FOXP4: variants seen among roughly 807,000 people sequenced by gnomAD.
FOXP4 encodes the protein forkhead box protein P4.
In FOXP4, 25 loss-of-function variants were observed where a neutral mutation model predicts 82.6. That is an observed-to-expected ratio of 0.30 (90% CI 0.22 to 0.42). FOXP4 has a LOEUF of 0.42. Ranked by LOEUF, FOXP4 falls within the 10% of genes least tolerant of loss-of-function variation. The pLI is 1.00. For synonymous variants in FOXP4, 415 were observed against 388.2 expected, an observed-to-expected ratio of 1.07 and a Z score of -0.81; for missense variants, 785 against 900.9, an observed-to-expected ratio of 0.87 and a Z score of 1.65.
At chr6:41,547,264 C>T (rs1454453232) in intron 1 of FOXP4, among the ~76,000 whole-genome samples, 1 of 152,088 alleles carries the variant, frequency 6.6e-6, no homozygotes, top group East Asian at 1.9e-4. Flanking sequence ...CCCTCCCCGC[C>T]GGGCCTCTGG....
intron 3 of FOXP4, among the ~76,000 whole-genome samples, chr6:41,580,537 C>G (rs977062539): frequency 6.6e-6 from 1 of 152,240 alleles, no homozygotes; most frequent in African/African-American, 2.4e-5. Flanking sequence ...CATGCTTCCC[C>G]AGGAGCCTGG....
At chr6:41,573,099 C>T (rs566318574) in intron 2 of FOXP4, among the ~76,000 whole-genome samples, 2 of 152,292 alleles carry the variant, frequency 1.3e-5, no homozygotes, top group African/African-American at 4.8e-5. Flanking sequence ...AAGCTTGTCT[C>T]CCTGATTATC....
rs531267145 is a variant in FOXP4, at chr6:41,598,829, G to A, written c.1936G>A (p.Glu646Lys). ...GAAGGAGGAGCCAGCAGAGGCAGAGGAAGACAGGCAGCCCGGGCCTCCCCT... is the reference window on the plus strand; with the variant it reads ...GAAGGAGGAGCCAGCAGAGGCAGAGAAAGACAGGCAGCCCGGGCCTCCCCT... ...QVKEEPAEAE[E>K]DRQPGPPLGA... The change falls in exon 17 of 17, where the codon GAA becomes AAA. Residue 646 changes from glutamate (E) to lysine (K), a missense_variant. Glu to Lys is a moderately conservative substitution (Grantham distance 56). This residue lies in a region of FOXP4 where 184 missense variants were observed against 187.3 expected (regional missense o/e 0.98). Transcript: ENST00000307972. The A allele has an allele frequency of 2.1e-5, 33 of 1,576,194 alleles. 1 individual carries two copies. The South Asian group carries it at 3.1e-4, about 15-fold the overall frequency.
At position 41,597,212 on chromosome 6, in the gene FOXP4, C is replaced by T. The variant is rs1277302566; in HGVS notation, c.1695C>T (p.Leu565=). The T allele has an allele frequency of 6.2e-7, 1 of 1,614,080 alleles. No individual in the cohort carries two copies. The highest frequency in any genetic ancestry group is 8.5e-7 in the Non-Finnish European group (1 of 1,180,040). Residue 565 remains leucine, a synonymous_variant, in exon 15 of 17, where the codon CTC becomes CTT. Transcript: ENST00000307972. ...PTLVKNMISG[L]SYGALNASYQ... ...TGGTGAAGAACATGATCTCTGGCCT[C>T]AGCTATGGAGCACTTAATGCCAGCT... is the stretch of plus-strand genomic sequence containing the variant.
At position 41,585,970 on chromosome 6, in the gene FOXP4, C is replaced by T. The variant is rs946178794; in HGVS notation, c.510+453C>T. On this transcript the variant is annotated intron_variant, in intron 5 of 16. Transcript: ENST00000307972. Reference sequence around the variant, plus strand: ...CAGCTTCTTCCCCTTCTTCTTATGACTTGCCCAGCCACCCCTCGGTCTCCT... The same window carrying T: ...CAGCTTCTTCCCCTTCTTCTTATGATTTGCCCAGCCACCCCTCGGTCTCCT... 3.3e-5 allele frequency among the ~76,000 whole-genome samples: 5 copies of T among 151,998 alleles called. 1 individual carries two copies. Among genetic ancestry groups the T allele is most frequent in the African/African-American group, 9.7e-5 (4 of 41,344 alleles).
intron 8 of FOXP4, among the ~76,000 whole-genome samples, chr6:41,588,303 G>A (rs372020231): frequency 2.0e-5 from 3 of 152,300 alleles, no homozygotes; most frequent in South Asian, 2.1e-4. Context: ...TGCCACAGCC[G>A]TGCCAGGCTC....
intron 2 of FOXP4, among the ~76,000 whole-genome samples, chr6:41,577,766 C>A (rs1352566838): frequency 1.3e-5 from 2 of 152,130 alleles, no homozygotes; most frequent in Non-Finnish European, 2.9e-5. Flanking sequence ...TCACTGGGTC[C>A]CAGGCTGAGT....
chr6:41,569,837 A>G (rs973823236), intron 2 of FOXP4, among the ~76,000 whole-genome samples: 1 of 152,004 alleles, frequency 6.6e-6, no homozygotes, highest in African/African-American at 2.4e-5. Flanking sequence ...CATCCCGTTC[A>G]CATCCTGTGA....
At chr6:41,584,978 G>A in intron 4 of FOXP4, 87 bp downstream of exon 4, 11 of 1,462,502 alleles carry the variant, frequency 7.5e-6, no homozygotes, top group Non-Finnish European at 1.0e-5. Flanking sequence ...AAGGGCCCAA[G>A]CTGTCCCAGA....
Position 41,601,733 on chromosome 6 carries a change from C to A in FOXP4, c.*2797C>A, listed in dbSNP as rs1170593203. ...TCAGGTGATCCGCCAGCCTCAGCCT[C>A]CCAAAGTGCTGGGATTACAGGCGTG... On this transcript the variant is annotated 3_prime_UTR_variant, in exon 17 of 17. Coordinates refer to ENST00000307972, the MANE Select transcript of FOXP4 (RefSeq NM_001012426.2). 1 of 152,388 alleles carries A rather than the reference C, an allele frequency of 6.6e-6. No individual in the cohort carries two copies. Among genetic ancestry groups the A allele is most frequent in the Admixed American group, 6.5e-5 (1 of 15,294 alleles). The allele number at this position is 152,388 out of a possible 1,614,324, so 9.4% of individuals were successfully genotyped here.
Position 41,591,196 on chromosome 6 carries a change from C to T in FOXP4, c.1435-25C>T, listed in dbSNP as rs895876815. 4.4e-6 allele frequency: 7 copies of T among 1,586,534 alleles called. No homozygotes were observed. Among genetic ancestry groups the T allele is most frequent in the Non-Finnish European group, 6.0e-6 (7 of 1,163,212 alleles). The stretch of plus-strand genomic sequence containing the variant: ...ACCCTTCGAGGCCCAGGCTGACGGT[C>T]CCTTTGCTTGTTCCTTCCCCGCAGG... On this transcript the variant is annotated intron_variant, in intron 12 of 16. Transcript: ENST00000307972. The surrounding 1 kb of genome is among the most constrained non-coding windows in gnomAD (Gnocchi z 4.2).
intron 1 of FOXP4, among the ~76,000 whole-genome samples, chr6:41,565,223 G>A (rs1316070727): frequency 6.6e-6 from 1 of 152,056 alleles, no homozygotes; most frequent in African/African-American, 2.4e-5. Flanking sequence ...AGCTGGTCGT[G>A]GTGGCAGGCA....
rs779277938 is a variant in FOXP4 at position 41,590,077 on chromosome 6, C to G, written c.1264C>G (p.Leu422Val). The stretch of plus-strand genomic sequence containing the variant: ...CTCGGCCGCAGCCCCTGTCACCCCT[C>G]TACGGCCCCCTGGCCTGGGCTCTGC... ...PTSAAAPVTP[L>V]RPPGLGSASL... The change falls in exon 11 of 17, where the codon CTA (leucine) becomes GTA (valine). Residue 422 changes from leucine to valine, a missense_variant. Around this residue, in one of 3 missense-constraint regions of FOXP4, gnomAD observed 570 missense variants for 634.0 expected, o/e 0.90. Coordinates refer to ENST00000307972, the MANE Select transcript of FOXP4 (RefSeq NM_001012426.2). The G allele has an allele frequency of 1.2e-6, 2 of 1,613,872 alleles. No individual in the cohort carries two copies. Among genetic ancestry groups the G allele is most frequent in the Non-Finnish European group, 1.7e-6 (2 of 1,179,974 alleles).
intron 3 of FOXP4, among the ~76,000 whole-genome samples, chr6:41,583,923 G>C (rs1174073890): frequency 1.3e-5 from 2 of 152,172 alleles, no homozygotes; most frequent in Non-Finnish European, 1.5e-5. Flanking sequence ...AATCCTGAAT[G>C]TTCCAGCCTA....
At chr6:41,550,854 CCCTCT>C in intron 1 of FOXP4, among the ~76,000 whole-genome samples, 1 of 152,244 alleles carries the variant, frequency 6.6e-6, no homozygotes, top group African/African-American at 2.4e-5. Context: ...GACTGATAAC[CCCTCT>C]CTCCAGAAAG....
chr6:41,599,878 C>T lies in FOXP4; in HGVS notation c.*942C>T, dbSNP rs1005294840. On this transcript the variant is annotated 3_prime_UTR_variant, in exon 17 of 17. Transcript: ENST00000307972. ...TTCCTCTGCAGTCACCCTCAGCTCC[C>T]CTTCCTTGCCCGCCTCTCCCCCCGC... 6.6e-6 allele frequency: 1 copy of T among 152,482 alleles called. No homozygotes were observed. The highest frequency in any genetic ancestry group is 2.4e-5 in the African/African-American group (1 of 41,302). 9.4% of individuals were successfully genotyped at this position (152,482 alleles called of 1,614,324 possible).
chr6:41,552,682 G>C (rs2127309380), intron 1 of FOXP4, among the ~76,000 whole-genome samples: 1 of 152,298 alleles, frequency 6.6e-6, no homozygotes, highest in East Asian at 1.9e-4. Flanking sequence ...ACCAGACGCA[G>C]AGAAAAGAAC....
At chr6:41,571,992 T>C (rs1002410452) in intron 2 of FOXP4, among the ~76,000 whole-genome samples, 2 of 152,194 alleles carry the variant, frequency 1.3e-5, no homozygotes, top group Non-Finnish European at 2.9e-5. Context: ...ATCCATTGTT[T>C]ACCAGCAGTA....
At chr6:41,563,738 A>G (rs1036949342) in intron 1 of FOXP4, among the ~76,000 whole-genome samples, 1 of 152,156 alleles carries the variant, frequency 6.6e-6, no homozygotes, top group Non-Finnish European at 1.5e-5. Flanking sequence ...TTCTCCTCAA[A>G]AGACTTGGAG....
Sources: allele counts gnomAD v4.1 joint callset (sites outside exome capture counted in the v4.1 genomes callset), GRCh38; gene constraint gnomAD v4.1.1; regional missense constraint gnomAD v4.1.1; non-coding constraint Gnocchi (gnomAD v3.1); transcripts MANE v1.5; gene names NCBI Gene and HGNC (gene_info 2026-07-23, HGNC 2026-07-21).